Variants in OSBPL9 observed in about 807,000 individuals in gnomAD.
The protein encoded by OSBPL9 is oxysterol-binding protein-related protein 9.
Under a neutral mutation model 106.6 loss-of-function variants are expected in OSBPL9, and 40 were observed. That is an observed-to-expected ratio of 0.38 (90% CI 0.29 to 0.49). The LOEUF is 0.49. Among genes scored for constraint, OSBPL9 ranks in the 20% least tolerant of loss-of-function variants. OSBPL9 has a pLI of 0.97. For missense variants in OSBPL9, 609 were observed against 887.2 expected, an observed-to-expected ratio of 0.69 and a Z score of 3.98; for synonymous variants, 269 against 295.4, an observed-to-expected ratio of 0.91 and a Z score of 0.92.
At chr1:51,566,532 C>T in the OSBPL9 span, 1 of 152,070 alleles carries the variant, frequency 6.6e-6, no homozygotes, top group African/African-American at 2.4e-5. Context: ...AGGTGAGGGT[C>T]TTTATTGATC....
At chr1:51,669,143 T>G (rs1327739756) in intron 2 of OSBPL9, among the ~76,000 whole-genome samples, 3 of 152,210 alleles carry the variant, frequency 2.0e-5, no homozygotes, top group Non-Finnish European at 4.4e-5. Flanking sequence ...TGGCTGGCTC[T>G]TAAAACACAG....
chr1:51,674,990 A>C (rs1312954001), intron 3 of OSBPL9, among the ~76,000 whole-genome samples: 1 of 152,240 alleles, frequency 6.6e-6, no homozygotes, highest in Non-Finnish European at 1.5e-5. Flanking sequence ...ATCCTGTGCT[A>C]CATGCAGCCT....
rs898951657 is a variant in OSBPL9 at position 51,732,495 on chromosome 1, C to T, written c.319-13041C>T. Among the ~76,000 whole-genome samples, 8 of 152,142 alleles carry T rather than the reference C, an allele frequency of 5.3e-5. 1 individual carries two copies. Among genetic ancestry groups the T allele is most frequent in the Admixed American group, 6.5e-5 (1 of 15,278 alleles). On this transcript the variant is annotated intron_variant, in intron 4 of 23. Coordinates refer to ENST00000428468, the MANE Select transcript of OSBPL9 (RefSeq NM_024586.6). ...TTCTTATACTGACAATGTAATTAAGCCACGTATTCCTCCTTAAATATTTTA... is the reference window on the plus strand; with the variant it reads ...TTCTTATACTGACAATGTAATTAAGTCACGTATTCCTCCTTAAATATTTTA...
chr1:51,641,851 C>A (rs887377885), intron 1 of OSBPL9, among the ~76,000 whole-genome samples: 1 of 152,124 alleles, frequency 6.6e-6, no homozygotes. Flanking sequence ...GACAGTATAT[C>A]GAAGAGAATC....
At chr1:51,782,299 A>T (rs565535099) in intron 16 of OSBPL9, among the ~76,000 whole-genome samples, 1 of 152,308 alleles carries the variant, frequency 6.6e-6, no homozygotes, top group East Asian at 1.9e-4. Flanking sequence ...GTCTGTTCTT[A>T]TTCATTTGGC....
upstream of OSBPL9, chr1:51,574,075 A>G (rs1248884073): frequency 6.6e-6 from 1 of 152,162 alleles, no homozygotes; most frequent in Non-Finnish European, 1.5e-5. Context: ...AAGGAGAAAA[A>G]AAGAACGTAA....
the OSBPL9 span, among the ~76,000 whole-genome samples, chr1:51,544,699 T>TA: frequency 1.3e-5 from 2 of 151,770 alleles, no homozygotes; most frequent in African/African-American, 2.4e-5. Context: ...AGATTAAAAA[T>TA]AAAAAAAGAA....
rs968927869 is a variant in OSBPL9 at position 51,788,179 on chromosome 1, T to C, written c.*390T>C. 4 of 196,700 alleles carry C rather than the reference T, an allele frequency of 2.0e-5. No individual in the cohort carries two copies. The highest frequency in any genetic ancestry group is 1.3e-4 in the East Asian group (1 of 7,448). 12.2% of individuals were successfully genotyped at this position (196,700 alleles called of 1,614,324 possible). A position where few individuals can be genotyped will look rare whatever the true frequency, so the allele number is the denominator to read the frequency against. On this transcript the variant is annotated 3_prime_UTR_variant, in exon 24 of 24. Transcript: ENST00000428468. ...ATACACACACACACACACATATATA[T>C]ACACACACATACGTATACACACACA... is the stretch of plus-strand genomic sequence containing the variant.
intron 1 of OSBPL9, among the ~76,000 whole-genome samples, chr1:51,587,119 A>C (rs1645251210): frequency 1.3e-5 from 2 of 152,174 alleles, no homozygotes; most frequent in South Asian, 4.1e-4. Flanking sequence ...TAATCCCAGC[A>C]CTTTGGGAGG....
At chr1:51,767,689 C>T (rs1336409091) in intron 12 of OSBPL9, among the ~76,000 whole-genome samples, 1 of 152,024 alleles carries the variant, frequency 6.6e-6, no homozygotes, top group Non-Finnish European at 1.5e-5. Flanking sequence ...TAAAGAAGGC[C>T]AGTGTAGCAG....
intron 3 of OSBPL9, among the ~76,000 whole-genome samples, chr1:51,696,803 GT>G (rs897897353): frequency 6.6e-6 from 1 of 151,148 alleles, no homozygotes; most frequent in South Asian, 2.1e-4. Flanking sequence ...CCCCTGTCCC[GT>G]TTTTTTTTAT....
chr1:51,789,171 C>T lies in OSBPL9; in HGVS notation c.*1382C>T. 1 of 1,470,354 alleles carries T rather than the reference C, an allele frequency of 6.8e-7. No individual in the cohort carries two copies. The allele number at this position is 1,470,354 out of a possible 1,614,324, so 91.1% of individuals were successfully genotyped here. ...CCTAAGGCAGTAGTATAACTAACTC[C>T]ATAAAATACAAACAAACACATTTTA... On this transcript the variant is annotated 3_prime_UTR_variant, in exon 24 of 24. Transcript: ENST00000428468.
chr1:51,743,320 A>G (rs1445721834), intron 4 of OSBPL9, among the ~76,000 whole-genome samples: 1 of 152,194 alleles, frequency 6.6e-6, no homozygotes, highest in Admixed American at 6.5e-5. Flanking sequence ...ATGGAAGACT[A>G]TCTAGAGGCA....
chr1:51,717,858 G>GCT (rs142858968), intron 4 of OSBPL9, among the ~76,000 whole-genome samples: 5,177 of 152,204 alleles, frequency 0.034, 113 homozygotes, highest in Non-Finnish European at 0.053. Flanking sequence ...CCCACTGCTA[G>GCT]GTATATATCC....
At chr1:51,584,113 C>T (rs973336518) in intron 1 of OSBPL9, among the ~76,000 whole-genome samples, 6 of 152,080 alleles carry the variant, frequency 3.9e-5, no homozygotes, top group African/African-American at 7.2e-5. Context: ...GCCTTAGCCC[C>T]GCAAGTAGAT....
At chr1:51,601,893 T>C (rs1645326365) in intron 2 of OSBPL9, among the ~76,000 whole-genome samples, 1 of 152,156 alleles carries the variant, frequency 6.6e-6, no homozygotes, top group Non-Finnish European at 1.5e-5. Context: ...GGTCAAGAAC[T>C]TGCTGTCTAA....
rs1671613617 is a variant in OSBPL9, at chr1:51,761,988, T to A, written c.778+17T>A. ...ATAGTACAGGTACAGATTTGCATAA[T>A]TTCTTTATGTCTCATAACTCTATTA... On this transcript the variant is annotated intron_variant, in intron 11 of 23. Coordinates refer to ENST00000428468, the MANE Select transcript of OSBPL9 (RefSeq NM_024586.6). 6.5e-7 allele frequency: 1 copy of A among 1,527,920 alleles called. No homozygotes were observed. The highest frequency in any genetic ancestry group is 1.4e-5 in the African/African-American group (1 of 73,084). The allele number at this position is 1,527,920 out of a possible 1,614,324, so 94.6% of individuals were successfully genotyped here.
intron 4 of OSBPL9, among the ~76,000 whole-genome samples, chr1:51,726,786 T>C (rs539109849): frequency 1.2e-3 from 187 of 152,356 alleles, no homozygotes; most frequent in African/African-American, 4.4e-3. Context: ...CAACTCATAA[T>C]AGGCTTTAAC....
At chr1:51,677,292 A>T (rs1171415049) in intron 3 of OSBPL9, among the ~76,000 whole-genome samples, 6 of 152,156 alleles carry the variant, frequency 3.9e-5, no homozygotes, top group South Asian at 2.1e-4. Flanking sequence ...ATTCCAATTT[A>T]CTCTCATAAC....
Sources: allele counts gnomAD v4.1 joint callset (sites outside exome capture counted in the v4.1 genomes callset), GRCh38; gene constraint gnomAD v4.1.1; transcripts MANE v1.5; gene names NCBI Gene and HGNC (gene_info 2026-07-23, HGNC 2026-07-21).